LINGO2: variants seen among roughly 807,000 people sequenced by gnomAD.
LINGO2 encodes leucine-rich repeat and immunoglobulin-like domain-containing nogo receptor-interacting protein 2.
In LINGO2, 14 loss-of-function variants were observed where a neutral mutation model predicts 30.6. The ratio of observed to expected loss-of-function variants is 0.46; its 90% CI spans 0.30 to 0.72. LINGO2 has a LOEUF of 0.72. Among genes scored for constraint, LINGO2 ranks in the 30% least tolerant of loss-of-function variants. The probability of loss-of-function intolerance (pLI) is 0.07; values close to 1 mark genes in which losing one functional copy is unlikely to be tolerated. For missense variants in LINGO2, 729 were observed against 751.7 expected, an observed-to-expected ratio of 0.97 and a Z score of 0.35; for synonymous variants, 317 against 288.5, an observed-to-expected ratio of 1.10 and a Z score of -1.00.
chr9:28,272,850 T>C (rs1822988370), intron 4 of LINGO2, among the ~76,000 whole-genome samples: 1 of 152,120 alleles, frequency 6.6e-6, no homozygotes, highest in Admixed American at 6.6e-5. Context: ...GGAAAATTAC[T>C]AACTGAACCA....
intron 2 of LINGO2, among the ~76,000 whole-genome samples, chr9:28,474,374 C>T (rs1173396282): frequency 6.0e-5 from 9 of 150,172 alleles, no homozygotes; most frequent in Non-Finnish European, 8.9e-5. Flanking sequence ...GCTTAACTTA[C>T]CTTCTCAAAG....
chr9:28,703,512 G>T, the LINGO2 span, among the ~76,000 whole-genome samples: 6 of 151,364 alleles, frequency 4.0e-5, no homozygotes, highest in Admixed American at 4.0e-4. Context: ...TTATGGCCAA[G>T]AATCTGGACT....
the LINGO2 span, among the ~76,000 whole-genome samples, chr9:29,138,854 T>C: frequency 6.6e-6 from 1 of 152,142 alleles, no homozygotes; most frequent in Non-Finnish European, 1.5e-5. Flanking sequence ...GTAGACAGCT[T>C]GTAAAATGGC....
chr9:28,554,691 T>C, intron 1 of LINGO2, among the ~76,000 whole-genome samples: 1 of 68,414 alleles, frequency 1.5e-5, no homozygotes, highest in Non-Finnish European at 2.7e-5. Context: ...ATCAACAGAA[T>C]ATACATTTTT....
At chr9:28,006,908 T>TG (rs1270466710) in intron 5 of LINGO2, among the ~76,000 whole-genome samples, 2 of 134,852 alleles carry the variant, frequency 1.5e-5, no homozygotes, top group African/African-American at 5.1e-5. Flanking sequence ...CCACATATAC[T>TG]GAGCTAGTCT....
At chr9:28,602,920 G>A (rs1040128283) in intron 1 of LINGO2, among the ~76,000 whole-genome samples, 1 of 152,020 alleles carries the variant, frequency 6.6e-6, no homozygotes, top group African/African-American at 2.4e-5. Context: ...GTATGATCTA[G>A]TTTTCTGCTT....
chr9:28,547,641 T>C (rs1410423410), intron 1 of LINGO2, among the ~76,000 whole-genome samples: 1 of 152,090 alleles, frequency 6.6e-6, no homozygotes, highest in Non-Finnish European at 1.5e-5. Flanking sequence ...AGGCAAACGA[T>C]TTACAAGAAA....
At chr9:27,943,029 A>G in the LINGO2 span, 1 of 152,202 alleles carries the variant, frequency 6.6e-6, no homozygotes, top group East Asian at 1.9e-4. Context: ...ACAGATATGT[A>G]TATACATCAT....
At chr9:28,068,888 C>G (rs1825391798) in intron 4 of LINGO2, among the ~76,000 whole-genome samples, 1 of 152,032 alleles carries the variant, frequency 6.6e-6, no homozygotes, top group Non-Finnish European at 1.5e-5. Context: ...GAGAGTATAC[C>G]ATGTGCTTAC....
At chr9:28,538,280 G>T (rs751150829) in intron 1 of LINGO2, among the ~76,000 whole-genome samples, 8 of 151,846 alleles carry the variant, frequency 5.3e-5, no homozygotes, top group Non-Finnish European at 8.8e-5. Context: ...TAAATGTATT[G>T]TCTATAAAAA....
intron 4 of LINGO2, among the ~76,000 whole-genome samples, chr9:28,167,868 A>G (rs1351761953): frequency 6.6e-6 from 1 of 152,220 alleles, no homozygotes; most frequent in African/African-American, 2.4e-5. Flanking sequence ...ATTTGCAAAC[A>G]ATTCGATTGG....
the LINGO2 span, among the ~76,000 whole-genome samples, chr9:29,031,235 A>G: frequency 6.9e-6 from 1 of 144,966 alleles, no homozygotes; most frequent in Non-Finnish European, 1.5e-5. Context: ...GTAATAGCAC[A>G]TAGTAACAAA....
chr9:28,337,483 G>A (rs893861624), intron 3 of LINGO2, among the ~76,000 whole-genome samples: 2 of 152,034 alleles, frequency 1.3e-5, no homozygotes, highest in African/African-American at 2.4e-5. Context: ...TAAGTAACAC[G>A]GAGCCAAATT....
the LINGO2 span, among the ~76,000 whole-genome samples, chr9:29,130,318 C>A: frequency 6.6e-6 from 1 of 152,066 alleles, no homozygotes; most frequent in Admixed American, 6.6e-5. Flanking sequence ...GTTTAGGTTA[C>A]CCCCAAAGCC....
chr9:29,081,294 C>T, the LINGO2 span, among the ~76,000 whole-genome samples: 10 of 152,034 alleles, frequency 6.6e-5, no homozygotes, highest in Admixed American at 1.3e-4. Context: ...AATCAATAAA[C>T]GTAATCCAGC....
chr9:28,505,947 C>A (rs895170155), intron 1 of LINGO2, among the ~76,000 whole-genome samples: 1 of 151,804 alleles, frequency 6.6e-6, no homozygotes, highest in Non-Finnish European at 1.5e-5. Flanking sequence ...TATTATTATG[C>A]AAGGGTATTT....
At position 28,047,575 on chromosome 9, in the gene LINGO2, C is replaced by T. The variant is rs567679658; in HGVS notation, c.-86-35170G>A. ...AATCATAGCTCTACTATTTAACAAC[C>T]ATGTGGCCCTAGACAGCTTACATGA... On this transcript the variant is annotated intron_variant, in intron 4 of 5. Coordinates refer to ENST00000379992, the Ensembl canonical transcript of LINGO2. 2.0e-4 allele frequency among the ~76,000 whole-genome samples: 30 copies of T among 150,860 alleles called. 2 individuals are homozygous for T. The South Asian group carries it at 6.1e-3, about 31-fold the overall frequency.
At chr9:28,592,718 T>C (rs1824977296) in intron 1 of LINGO2, among the ~76,000 whole-genome samples, 1 of 151,984 alleles carries the variant, frequency 6.6e-6, no homozygotes. Flanking sequence ...GACCAACCCT[T>C]GGAGAAAGGA....
chr9:28,963,789 A>G, the LINGO2 span, among the ~76,000 whole-genome samples: 2 of 151,780 alleles, frequency 1.3e-5, no homozygotes, highest in Non-Finnish European at 2.9e-5. Context: ...GTGTGTAGGA[A>G]GAGGGGATGA....
Sources: allele counts gnomAD v4.1 joint callset (sites outside exome capture counted in the v4.1 genomes callset), GRCh38; gene constraint gnomAD v4.1.1; transcripts MANE v1.5; gene names NCBI Gene and HGNC (gene_info 2026-07-23, HGNC 2026-07-21).